Variants in BBS7 observed in about 807,000 individuals in gnomAD.
BBS7 encodes Bardet-Biedl syndrome 7, also known as BBSome complex member BBS7.
In BBS7, 50 loss-of-function variants were observed where a neutral mutation model predicts 90.3. The observed-to-expected ratio is 0.55, with a 90% CI of 0.44 to 0.70. The LOEUF (loss-of-function observed/expected upper bound fraction) is 0.70, where lower values mean the gene tolerates loss of function less well. Among genes scored for constraint, BBS7 ranks in the 30% least tolerant of loss-of-function variants. The pLI, the probability that BBS7 is intolerant of heterozygous loss-of-function variation, is 0.00. For synonymous variants in BBS7, 235 were observed against 287.4 expected (o/e 0.82, Z 1.85); for missense variants, 729 against 838.9 (o/e 0.87, Z 1.62).
At chr4:121,858,791 A>T in intron 5 of BBS7, 1 of 568,952 alleles carries the variant, frequency 1.8e-6, no homozygotes, top group Non-Finnish European at 3.0e-6. Context: ...TTTTCTTCCA[A>T]ATATGCTTCT....
intron 6 of BBS7, 118 bp downstream of exon 6, chr4:121,855,371 T>C: frequency 2.1e-6 from 2 of 969,914 alleles, no homozygotes; most frequent in African/African-American, 1.6e-5. Flanking sequence ...TGTTAGTTAC[T>C]GGCAAGTTAC....
chr4:121,869,930 G>C (rs918206465), intron 1 of BBS7, among the ~76,000 whole-genome samples: 2 of 152,224 alleles, frequency 1.3e-5, no homozygotes, highest in African/African-American at 4.8e-5. Flanking sequence ...GGTCCGGGTA[G>C]AGATGGAGAT....
chr4:121,837,078 G>A (rs1201647123), intron 13 of BBS7, among the ~76,000 whole-genome samples: 1 of 152,018 alleles, frequency 6.6e-6, no homozygotes, highest in Non-Finnish European at 1.5e-5. Flanking sequence ...TCATGCCTCG[G>A]CCTCCCAAGT....
Position 121,825,567 on chromosome 4 carries a change from C to T in BBS7, c.*293G>A. ...TACATTTGAATATATTTTAATTTTC[C>T]ACATATTACTTCTCAATTTAAAAAT... On this transcript the variant is annotated 3_prime_UTR_variant, in exon 19 of 19. Transcript: ENST00000264499. 1 of 277,870 alleles carries T rather than the reference C, an allele frequency of 3.6e-6. No individual in the cohort carries two copies. Among genetic ancestry groups the T allele is most frequent in the East Asian group, 8.1e-5 (1 of 12,384 alleles). 17.2% of individuals were successfully genotyped at this position (277,870 alleles called of 1,614,324 possible).
At chr4:121,828,887 C>A (rs1255141223) in intron 15 of BBS7, among the ~76,000 whole-genome samples, 159 bp from the exon 16 acceptor site, 4 of 152,072 alleles carry the variant, frequency 2.6e-5, no homozygotes, top group Non-Finnish European at 4.4e-5. Context: ...AACATGTAAT[C>A]CTTTACTGTT....
At chr4:121,840,839 TC>T (rs1560648093) in intron 12 of BBS7, among the ~76,000 whole-genome samples, 1 of 150,476 alleles carries the variant, frequency 6.6e-6, no homozygotes. Context: ...GTAAATATAT[TC>T]TTTTTTTTTT....
rs374836423 is a variant in BBS7, at chr4:121,829,178, G to A, written c.1677-450C>T. 7.2e-5 allele frequency among the ~76,000 whole-genome samples: 11 copies of A among 151,816 alleles called. No individual in the cohort carries two copies. The East Asian group carries it at 9.7e-4, about 13-fold the overall frequency. On this transcript the variant is annotated intron_variant, in intron 15 of 18. Coordinates refer to ENST00000264499, the MANE Select transcript of BBS7 (RefSeq NM_176824.3). ...TATCAAATATGAAAGAGTGACATCT[G>A]CTGTTTTTCATGCTCAGCATCCAAT...
At chr4:121,848,742 A>T in intron 9 of BBS7, 102 bp downstream of exon 9, 1 of 910,844 alleles carries the variant, frequency 1.1e-6, no homozygotes, top group Non-Finnish European at 1.7e-6. Flanking sequence ...AGGGGGGACT[A>T]CTATAACTGT....
intron 9 of BBS7, among the ~76,000 whole-genome samples, chr4:121,848,133 TCTC>T (rs1435210468): frequency 6.6e-6 from 1 of 152,208 alleles, no homozygotes; most frequent in Non-Finnish European, 1.5e-5. Context: ...GCCTACATTT[TCTC>T]CTTATTTTTT....
chr4:121,838,940 G>C (rs1404897242), intron 13 of BBS7, among the ~76,000 whole-genome samples: 4 of 150,828 alleles, frequency 2.7e-5, no homozygotes, highest in Non-Finnish European at 5.9e-5. Context: ...TAAACAAGCT[G>C]TAAAACAAAA....
At chr4:121,846,682 T>C (rs1726028361) in intron 10 of BBS7, among the ~76,000 whole-genome samples, 1 of 151,360 alleles carries the variant, frequency 6.6e-6, no homozygotes, top group African/African-American at 2.5e-5. Flanking sequence ...GCATGAACAT[T>C]ACAGTTTGCT....
intron 12 of BBS7, among the ~76,000 whole-genome samples, chr4:121,843,370 T>C (rs924943551): frequency 2.0e-5 from 3 of 152,022 alleles, no homozygotes; most frequent in African/African-American, 7.2e-5. Flanking sequence ...ACTTATAAAG[T>C]AGTTCAAGCA....
At chr4:121,859,884 C>T (rs113110730) in intron 4 of BBS7, among the ~76,000 whole-genome samples, 2 of 152,172 alleles carry the variant, frequency 1.3e-5, no homozygotes, top group African/African-American at 4.8e-5. Flanking sequence ...AATTCTTAGA[C>T]TGAACTGAGT....
Position 121,863,291 on chromosome 4 carries a change from G to A in BBS7, c.103-12C>T. On this transcript the variant is annotated splice_polypyrimidine_tract_variant and intron_variant, in intron 2 of 18. Coordinates refer to ENST00000264499, the MANE Select transcript of BBS7 (RefSeq NM_176824.3). ...TCTCCAATAACCACCTGTAATAGATGGAAGATAATCTAAAATTACTATTAT... is the reference window on the plus strand; with the variant it reads ...TCTCCAATAACCACCTGTAATAGATAGAAGATAATCTAAAATTACTATTAT... 1 of 1,603,986 alleles carries A rather than the reference G, an allele frequency of 6.2e-7. No homozygotes were observed. Among genetic ancestry groups the A allele is most frequent in the Non-Finnish European group, 8.5e-7 (1 of 1,171,706 alleles).
rs1470030897 is a variant in BBS7 at position 121,835,197 on chromosome 4, G to C, written c.1458C>G (p.Tyr486Ter). The change falls in exon 14 of 19, where the codon TAC becomes TAG. Residue 486 changes from tyrosine (Y) to a stop codon, truncating the protein, a stop_gained. Coordinates refer to ENST00000264499, the MANE Select transcript of BBS7 (RefSeq NM_176824.3). LOFTEE classifies it high-confidence loss of function. ...IQPKTCQVRQ[Y>*]HIKPLSLHQR... ...GATGGAGTGAAAGAGGTTTGATGTG[G>C]TACTGGCGGACCTGACAGGTTTTGG... The C allele has an allele frequency of 4.3e-6, 7 of 1,613,882 alleles. No individual in the cohort carries two copies. Among genetic ancestry groups the C allele is most frequent in the Non-Finnish European group, 5.9e-6 (7 of 1,179,858 alleles).
intron 2 of BBS7, among the ~76,000 whole-genome samples, chr4:121,863,511 A>G (rs1372924646): frequency 6.6e-6 from 1 of 152,192 alleles, no homozygotes; most frequent in Non-Finnish European, 1.5e-5. Context: ...CTATAATGTT[A>G]ATAGGACAAC....
At chr4:121,861,415 C>A in intron 4 of BBS7, 89 bp downstream of exon 4, 2 of 1,188,838 alleles carry the variant, frequency 1.7e-6, no homozygotes, top group Non-Finnish European at 2.4e-6. Context: ...TCCAGAAAGC[C>A]TATTAAGATA....
chr4:121,860,674 A>C (rs1367747435), intron 4 of BBS7, among the ~76,000 whole-genome samples: 1 of 152,118 alleles, frequency 6.6e-6, no homozygotes, highest in African/African-American at 2.4e-5. Flanking sequence ...ATTCTTGTTA[A>C]ACCATTTGAA....
At chr4:121,850,039 T>C (rs1726232118) in intron 8 of BBS7, among the ~76,000 whole-genome samples, 1 of 152,206 alleles carries the variant, frequency 6.6e-6, no homozygotes, top group African/African-American at 2.4e-5. Flanking sequence ...GGGTTTATAA[T>C]AACCATCTTT....
Sources: gnomAD v4.1 joint callset for allele counts (sites outside exome capture counted in the v4.1 genomes callset) on GRCh38, gnomAD v4.1.1 for gene constraint, MANE v1.5 for transcripts, NCBI Gene and HGNC (gene_info 2026-07-23, HGNC 2026-07-21) for gene names.